Variants in CPVL observed in about 807,000 individuals in gnomAD.
The protein encoded by CPVL is carboxypeptidase vitellogenic like, also known as probable serine carboxypeptidase CPVL.
Under a neutral mutation model 63.7 loss-of-function variants are expected in CPVL, and 51 were observed. That is an observed-to-expected ratio of 0.80 (90% CI 0.64 to 1.01). The LOEUF (loss-of-function observed/expected upper bound fraction) is 1.01, where lower values mean the gene tolerates loss of function less well. Ranked by LOEUF, CPVL falls within the 50% of genes least tolerant of loss-of-function variation. The pLI, the probability that CPVL is intolerant of heterozygous loss-of-function variation, is 0.00. For synonymous variants in CPVL, 195 were observed against 206.0 expected (o/e 0.95, Z 0.46); for missense variants, 530 against 573.1 (o/e 0.92, Z 0.77).
At chr7:29,142,880 A>G (rs1046256980) in intron 1 of CPVL, among the ~76,000 whole-genome samples, 3 of 152,016 alleles carry the variant, frequency 2.0e-5, no homozygotes, top group African/African-American at 7.2e-5. Context: ...GAGTTCTAAA[A>G]CCAGAAGTCC....
intron 11 of CPVL, among the ~76,000 whole-genome samples, chr7:29,032,726 A>G (rs1302046826): frequency 6.6e-6 from 1 of 152,044 alleles, no homozygotes; most frequent in East Asian, 1.9e-4. Flanking sequence ...ATTTAATTTT[A>G]CTCTCCATGG....
chr7:29,083,543 T>C (rs1784937886), intron 7 of CPVL, among the ~76,000 whole-genome samples: 1 of 152,200 alleles, frequency 6.6e-6, no homozygotes, highest in African/African-American at 2.4e-5. Flanking sequence ...GTTGAATGGA[T>C]AGGCTATACC....
At chr7:29,147,258 TATCAG>T, upstream of CPVL, 1 of 346,998 alleles carries the variant, frequency 2.9e-6, no homozygotes, top group African/African-American at 2.1e-5. Flanking sequence ...GGGTCATCAT[TATCAG>T]CAACAGCAGC....
chr7:29,095,865 C>A (rs1460565220), intron 4 of CPVL, among the ~76,000 whole-genome samples: 1 of 152,162 alleles, frequency 6.6e-6, no homozygotes, highest in Non-Finnish European at 1.5e-5. Context: ...CAGCAGCAGA[C>A]TGCAAGAAAG....
chr7:29,071,778 A>G lies in CPVL; in HGVS notation c.859T>C (p.Phe287Leu). Residue 287 changes from phenylalanine to leucine, a missense_variant, in exon 9 of 13, where the codon TTT becomes CTT. Phe to Leu is a conservative substitution (Grantham distance 22). Transcript: ENST00000265394. The part of the protein sequence containing the change: ...HIRKQNWFEA[F>L]EILDKLLDGD... The stretch of plus-strand genomic sequence containing the variant: ...ACAGGGCCCCCAGAACTCACTTCAA[A>G]GGCCTCAAACCAGTTCTGCTTCCTG... 6.2e-7 allele frequency: 1 copy of G among 1,613,134 alleles called. No individual in the cohort carries two copies. Among genetic ancestry groups the G allele is most frequent in the Non-Finnish European group, 8.5e-7 (1 of 1,179,568 alleles).
chr7:29,151,540 A>G (rs1036080935), intron 5 of CPVL, among the ~76,000 whole-genome samples: 4 of 152,264 alleles, frequency 2.6e-5, no homozygotes, highest in Admixed American at 6.5e-5. Context: ...AGAAATAATC[A>G]TAGTGAAACT....
At chr7:29,118,168 C>T (rs867132168) in intron 2 of CPVL, among the ~76,000 whole-genome samples, 1 of 152,300 alleles carries the variant, frequency 6.6e-6, no homozygotes, top group Middle Eastern at 3.4e-3. Flanking sequence ...GGGTCCTAAA[C>T]CCATCTCTGC....
chr7:29,189,463 C>G (rs1325149686), intron 1 of CPVL, among the ~76,000 whole-genome samples: 2 of 152,090 alleles, frequency 1.3e-5, no homozygotes, highest in Admixed American at 1.3e-4. Flanking sequence ...AAAACAAACT[C>G]ACTCCCTGCT....
rs138253496 is a variant in CPVL, at chr7:29,105,252, C to T, written c.288+7452G>A. 2.1e-3 allele frequency among the ~76,000 whole-genome samples: 317 copies of T among 152,342 alleles called. 1 individual carries two copies. Among genetic ancestry groups the T allele is most frequent in the Non-Finnish European group, 3.7e-3 (250 of 68,030 alleles). ...TTATATCATGGCTAATACCCAGCAC[C>T]TTCAGTCTCAGCTGACTGGACCAAG... On this transcript the variant is annotated intron_variant, in intron 3 of 12. Coordinates refer to ENST00000265394, the MANE Select transcript of CPVL (RefSeq NM_031311.5).
chr7:29,096,751 A>C (rs2128611457), intron 3 of CPVL, among the ~76,000 whole-genome samples: 1 of 152,274 alleles, frequency 6.6e-6, no homozygotes, highest in Middle Eastern at 3.4e-3. Context: ...TGGGAGGCCG[A>C]GGCAGGCAGA....
At chr7:29,169,861 C>CGTGT (rs71555785) in intron 5 of CPVL, among the ~76,000 whole-genome samples, 41 of 147,908 alleles carry the variant, frequency 2.8e-4, no homozygotes, top group Admixed American at 6.8e-4. Flanking sequence ...AGTATATATA[C>CGTGT]GTGTGTGTGT....
chr7:29,138,587 G>A (rs1177458217), intron 1 of CPVL, among the ~76,000 whole-genome samples: 1 of 152,070 alleles, frequency 6.6e-6, no homozygotes. Flanking sequence ...GCCATTAACC[G>A]AGAAAGAGAG....
chr7:29,119,250 G>A (rs1229648919), intron 2 of CPVL, among the ~76,000 whole-genome samples: 1 of 152,192 alleles, frequency 6.6e-6, no homozygotes, highest in Non-Finnish European at 1.5e-5. Flanking sequence ...ACTTTGGGAG[G>A]CCAAGGCAGG....
chr7:29,160,360 G>T (rs549907450), intron 5 of CPVL, among the ~76,000 whole-genome samples: 1 of 152,242 alleles, frequency 6.6e-6, no homozygotes, highest in Admixed American at 6.5e-5. Context: ...CCTGTATGTG[G>T]CTGACAACGT....
At chr7:29,148,342 T>C (rs1793067515), upstream of CPVL, among the ~76,000 whole-genome samples, 1 of 152,234 alleles carries the variant, frequency 6.6e-6, no homozygotes, top group African/African-American at 2.4e-5. Context: ...TGTAAGCATA[T>C]TTATTCAAAA....
rs1562731769 is a variant in CPVL, at chr7:29,030,727, GA to G, written c.1169del (p.Ile390ThrfsTer6). On this transcript the variant is annotated frameshift_variant, in exon 12 of 13. Transcript: ENST00000265394. LOFTEE classifies it high-confidence loss of function. ...AGCGCTCTGTCAGGGCAGCTGCCAC[GA>G]TGATGTCCAGTTGGCCATTGTAGAT... ...VLIYNGQLDI[I>X]VAAALTERSL... 7 of 1,612,026 alleles carry G rather than the reference GA, an allele frequency of 4.3e-6. No individual in the cohort carries two copies.
chr7:29,133,646 T>A (rs1312400384), intron 1 of CPVL, among the ~76,000 whole-genome samples: 3 of 152,222 alleles, frequency 2.0e-5, no homozygotes, highest in Non-Finnish European at 4.4e-5. Flanking sequence ...ACGTGGTGAA[T>A]CAGAAACATT....
chr7:29,156,565 A>C (rs1794404063), intron 5 of CPVL, among the ~76,000 whole-genome samples: 2 of 152,304 alleles, frequency 1.3e-5, no homozygotes, highest in Non-Finnish European at 2.9e-5. Flanking sequence ...ATCTGAAGGA[A>C]CTCAGCTAAG....
chr7:29,188,758 AAAC>A (rs201321287), intron 1 of CPVL, among the ~76,000 whole-genome samples: 2,419 of 152,192 alleles, frequency 0.016, 28 homozygotes, highest in Non-Finnish European at 0.019. Flanking sequence ...GTTTTGTTAA[AAAC>A]AACAACAACA....
Sources: gnomAD v4.1 joint callset for allele counts (sites outside exome capture counted in the v4.1 genomes callset) on GRCh38, gnomAD v4.1.1 for gene constraint, MANE v1.5 for transcripts, NCBI Gene and HGNC (gene_info 2026-07-23, HGNC 2026-07-21) for gene names.